EPB41L2: variants seen among roughly 807,000 people sequenced by gnomAD.
EPB41L2 encodes the protein erythrocyte membrane protein band 4.1 like 2, also known as band 4.1-like protein 2.
EPB41L2 carries 43 observed loss-of-function variants against 113.0 expected under a neutral mutation model. The observed-to-expected ratio is 0.38, with a 90% CI of 0.30 to 0.49. EPB41L2 has a LOEUF of 0.49. Ranked by LOEUF, EPB41L2 falls within the 20% of genes least tolerant of loss-of-function variation. The probability of loss-of-function intolerance (pLI) is 0.95; values close to 1 mark genes in which losing one functional copy is unlikely to be tolerated. For synonymous variants in EPB41L2, 442 were observed against 436.7 expected (o/e 1.01, Z -0.15); for missense variants, 1,147 against 1,223.4 (o/e 0.94, Z 0.93).
intron 1 of EPB41L2, among the ~76,000 whole-genome samples, chr6:131,030,108 C>T (rs1335734997): frequency 3.3e-5 from 5 of 152,156 alleles, no homozygotes; most frequent in Admixed American, 2.0e-4. Flanking sequence ...TACAGCAACC[C>T]TAAGAGAAAC....
chr6:130,937,811 A>G (rs1233268555), intron 3 of EPB41L2, among the ~76,000 whole-genome samples: 1 of 132,610 alleles, frequency 7.5e-6, no homozygotes, highest in African/African-American at 2.6e-5. Flanking sequence ...GTGAGACTCC[A>G]TCTCAAAAAG....
At position 130,869,461 on chromosome 6, in the gene EPB41L2, T is replaced by G. The variant is rs566005217; in HGVS notation, c.2607+102A>C. Reference sequence around the variant, plus strand: ...TGAGAGAGAAAAATCAGATTCTTGTTGAAAAAAGCTGAAGAACTGGGAGGA... The same window carrying G: ...TGAGAGAGAAAAATCAGATTCTTGTGGAAAAAAGCTGAAGAACTGGGAGGA... On this transcript the variant is annotated intron_variant, in intron 15 of 19. Coordinates refer to ENST00000337057, the MANE Select transcript of EPB41L2 (RefSeq NM_001431.4). 154 of 1,081,150 alleles carry G rather than the reference T, an allele frequency of 1.4e-4. 3 individuals carry two copies. The South Asian group carries it at 2.4e-3, about 17-fold the overall frequency. 67.0% of individuals were successfully genotyped at this position (1,081,150 alleles called of 1,614,324 possible). A position where few individuals can be genotyped will look rare whatever the true frequency, so the allele number is the denominator to read the frequency against.
At chr6:130,932,321 A>T (rs1003699037) in intron 3 of EPB41L2, among the ~76,000 whole-genome samples, 1 of 9,474 alleles carries the variant, frequency 1.1e-4, no homozygotes, top group Non-Finnish European at 1.8e-4. Flanking sequence ...CATTGCTTTT[A>T]AAAAAAAAAA....
chr6:130,948,818 G>C (rs1011984855), intron 3 of EPB41L2, among the ~76,000 whole-genome samples: 1 of 152,088 alleles, frequency 6.6e-6, no homozygotes, highest in African/African-American at 2.4e-5. Flanking sequence ...AAAAAAGAAA[G>C]GGCTATCCAC....
chr6:131,061,567 A>G (rs1584858994), intron 1 of EPB41L2, among the ~76,000 whole-genome samples: 2 of 152,280 alleles, frequency 1.3e-5, no homozygotes, highest in Admixed American at 1.3e-4. Flanking sequence ...ACAGCCACCC[A>G]GTGATTTCTC....
rs570123854 is a variant in EPB41L2 at position 131,034,081 on chromosome 6, T to C, written c.-15+29074A>G. Among the ~76,000 whole-genome samples the C allele has an allele frequency of 7.2e-5, 11 of 152,284 alleles. No homozygotes were observed. The South Asian group carries it at 2.1e-3, about 29-fold the overall frequency. On this transcript the variant is annotated intron_variant, in intron 1 of 19. Coordinates refer to ENST00000337057, the MANE Select transcript of EPB41L2 (RefSeq NM_001431.4). Reference sequence around the variant, plus strand: ...GAAAGAGCTTATGACTGTTAAAACATCTAATGAATATGGAGAACCATAAAG... The same window carrying C: ...GAAAGAGCTTATGACTGTTAAAACACCTAATGAATATGGAGAACCATAAAG...
At chr6:130,844,292 G>C (rs1028730083) in intron 19 of EPB41L2, among the ~76,000 whole-genome samples, 1 of 152,230 alleles carries the variant, frequency 6.6e-6, no homozygotes, top group Non-Finnish European at 1.5e-5. Context: ...GCTGGGCATG[G>C]TGGCTGACGC....
intron 19 of EPB41L2, among the ~76,000 whole-genome samples, chr6:130,845,303 T>C (rs1365719471): frequency 6.6e-6 from 1 of 152,192 alleles, no homozygotes; most frequent in Non-Finnish European, 1.5e-5. Flanking sequence ...TGTAAACAAA[T>C]AATGGTGAGT....
chr6:130,915,626 A>C (rs763009604), intron 4 of EPB41L2, among the ~76,000 whole-genome samples: 7 of 152,224 alleles, frequency 4.6e-5, no homozygotes, highest in African/African-American at 9.7e-5. Flanking sequence ...ATAAAAACAC[A>C]TAATGATATG....
chr6:130,960,026 C>CA (rs1213168570), intron 1 of EPB41L2, among the ~76,000 whole-genome samples: 3 of 152,206 alleles, frequency 2.0e-5, no homozygotes, highest in Middle Eastern at 3.2e-3. Context: ...GGTTTCCACT[C>CA]ACTGTTTACT....
chr6:130,923,814 G>A (rs1803701496), intron 4 of EPB41L2, among the ~76,000 whole-genome samples: 1 of 152,032 alleles, frequency 6.6e-6, no homozygotes, highest in Non-Finnish European at 1.5e-5. Flanking sequence ...ACAGGTAGTG[G>A]GATTATTTTT....
At chr6:130,956,620 C>A in intron 1 of EPB41L2, 121 bp from the exon 2 acceptor site, 1 of 886,522 alleles carries the variant, frequency 1.1e-6, no homozygotes. Context: ...GGAGAAAGCA[C>A]ATCAAGAAAG....
rs1442367780 is a variant in EPB41L2, at chr6:130,904,416, A to G, written c.929+49T>C. ...ACTATGCTCCCAGGGCACAAAAATAAACGAGAGCTGTAAGGAAAGGTTCAT... is the reference window on the plus strand; with the variant it reads ...ACTATGCTCCCAGGGCACAAAAATAGACGAGAGCTGTAAGGAAAGGTTCAT... On this transcript the variant is annotated intron_variant, in intron 6 of 19. Transcript: ENST00000337057. 2.2e-6 allele frequency: 3 copies of G among 1,337,726 alleles called. No homozygotes were observed. The Admixed American group carries it at 5.6e-5, about 25-fold the overall frequency. 82.9% of individuals were successfully genotyped at this position (1,337,726 alleles called of 1,614,324 possible). A position where few individuals can be genotyped will look rare whatever the true frequency, so the allele number is the denominator to read the frequency against.
chr6:130,867,966 ACACACACT>A (rs1450704061), intron 15 of EPB41L2: 45 of 157,978 alleles, frequency 2.8e-4, no homozygotes, highest in South Asian at 8.9e-4. Context: ...ACACACACAC[ACACACACT>A]CTCTCTCTCT....
intron 4 of EPB41L2, among the ~76,000 whole-genome samples, chr6:130,923,847 C>T (rs1177150819): frequency 1.3e-5 from 2 of 152,194 alleles, no homozygotes; most frequent in Non-Finnish European, 2.9e-5. Flanking sequence ...AAACACATAA[C>T]ATAAAATTTG....
chr6:130,876,814 C>T, intron 14 of EPB41L2: 1 of 1,220,272 alleles, frequency 8.2e-7, no homozygotes, highest in South Asian at 1.3e-5. Context: ...ACAAATAAGA[C>T]ACATACATTA....
intron 1 of EPB41L2, among the ~76,000 whole-genome samples, chr6:131,006,001 CTTAT>C (rs750017021): frequency 2.0e-5 from 3 of 152,102 alleles, no homozygotes; most frequent in Admixed American, 6.6e-5. Flanking sequence ...CCTCTCCTTC[CTTAT>C]TTCTTTCCTT....
At chr6:130,922,080 G>A (rs545197869) in intron 4 of EPB41L2, among the ~76,000 whole-genome samples, 123 of 152,274 alleles carry the variant, frequency 8.1e-4, no homozygotes, top group African/African-American at 2.8e-3. Flanking sequence ...GCACACGCAC[G>A]CACGTGTGTT....
At chr6:130,894,571 T>G (rs1389699787) in intron 9 of EPB41L2, 130 bp from the exon 10 acceptor site, 1 of 740,886 alleles carries the variant, frequency 1.3e-6, no homozygotes, top group Admixed American at 2.5e-5. Flanking sequence ...ATTGCATATC[T>G]AATATAATCA....
Sources: gnomAD v4.1 joint callset for allele counts (sites outside exome capture counted in the v4.1 genomes callset) on GRCh38, gnomAD v4.1.1 for gene constraint, MANE v1.5 for transcripts, NCBI Gene and HGNC (gene_info 2026-07-23, HGNC 2026-07-21) for gene names.